AGFG2: variants seen among roughly 807,000 people sequenced by gnomAD.
AGFG2 encodes ArfGAP with FG repeats 2.
A neutral mutation model predicts 48.0 loss-of-function variants in AGFG2; 31 were observed. That is an observed-to-expected ratio of 0.65 (90% CI 0.49 to 0.87). AGFG2 has a LOEUF of 0.87. Ranked by LOEUF, AGFG2 falls within the 40% of genes least tolerant of loss-of-function variation. The pLI is 0.00. For synonymous variants in AGFG2, 229 were observed against 260.8 expected (o/e 0.88, Z 1.18); for missense variants, 599 against 632.6 (o/e 0.95, Z 0.57).
chr7:100,566,563 AAG>A lies in AGFG2; in HGVS notation c.*1576_*1577del, dbSNP rs1213258708. ...TCTGAGTCTTCCACAGAGAGCAGCA[AAG>A]AGATATGGGAGTTGGGTGATCAGTG... is the stretch of plus-strand genomic sequence containing the variant. On this transcript the variant is annotated 3_prime_UTR_variant, in exon 12 of 12. Coordinates refer to ENST00000300176, the MANE Select transcript of AGFG2 (RefSeq NM_006076.5). 1 of 152,270 alleles carries A rather than the reference AAG, an allele frequency of 6.6e-6. No homozygotes were observed. Among genetic ancestry groups the A allele is most frequent in the Non-Finnish European group, 1.5e-5 (1 of 68,070 alleles). 9.4% of individuals were successfully genotyped at this position (152,270 alleles called of 1,614,324 possible). A position where few individuals can be genotyped will look rare whatever the true frequency, so the allele number is the denominator to read the frequency against.
In AGFG2 at chr7:100,550,378, A is replaced by T; in HGVS notation, c.316-18A>T. 1 of 1,565,096 alleles carries T rather than the reference A, an allele frequency of 6.4e-7. No homozygotes were observed. The highest frequency in any genetic ancestry group is 1.4e-5 in the African/African-American group (1 of 73,462). On this transcript the variant is annotated intron_variant, in intron 2 of 11. Transcript: ENST00000300176. ...CCTGCTTTCTGCTCCCACTCCTCTGACACCTTCATTCTTTTAGGTTTGCCG... is the reference window on the plus strand; with the variant it reads ...CCTGCTTTCTGCTCCCACTCCTCTGTCACCTTCATTCTTTTAGGTTTGCCG...
intron 1 of AGFG2, among the ~76,000 whole-genome samples, chr7:100,547,955 G>GT (rs1412051022): frequency 1.3e-5 from 2 of 152,196 alleles, no homozygotes; most frequent in African/African-American, 4.8e-5. Flanking sequence ...GCTAGAGACT[G>GT]TTTTTTGTCA....
Position 100,539,435 on chromosome 7 carries a change from G to C in AGFG2, c.89G>C (p.Cys30Ser), listed in dbSNP as rs920577015. Residue 30 changes from cysteine (C) to serine (S), a missense_variant, in exon 1 of 12, where the codon TGC becomes TCC. Physicochemically the swap from Cys to Ser is moderately radical, Grantham distance 112. Transcript: ENST00000300176. The part of the protein sequence containing the change: ...AEAEAASEVW[C>S]RRVRELGGCS... Reference sequence around the variant, plus strand: ...GCGGAGGCGGCCTCGGAGGTGTGGTGCCGTCGGGTGCGGGAGCTGGGTGGC... The same window carrying C: ...GCGGAGGCGGCCTCGGAGGTGTGGTCCCGTCGGGTGCGGGAGCTGGGTGGC... 6 of 1,327,068 alleles carry C rather than the reference G, an allele frequency of 4.5e-6. No homozygotes were observed. In the African/African-American group the frequency reaches 6.1e-5, roughly 14 times the overall value. 82.2% of individuals were successfully genotyped at this position (1,327,068 alleles called of 1,614,324 possible).
Position 100,562,219 on chromosome 7 carries a change from T to C in AGFG2, c.878-40T>C. 5 of 1,603,368 alleles carry C rather than the reference T, an allele frequency of 3.1e-6. No individual in the cohort carries two copies. In the East Asian group the frequency reaches 6.7e-5, roughly 22 times the overall value. Reference sequence around the variant, plus strand: ...CTCTCCTGCCCCTCCCGCCCTGTCTTACCTCAGCTCTCCCTGTTGTATTTT... The same window carrying C: ...CTCTCCTGCCCCTCCCGCCCTGTCTCACCTCAGCTCTCCCTGTTGTATTTT... On this transcript the variant is annotated intron_variant, in intron 6 of 11. Transcript: ENST00000300176. The surrounding 1 kb of genome is among the most constrained non-coding windows in gnomAD (Gnocchi z 5.4).
intron 1 of AGFG2, among the ~76,000 whole-genome samples, chr7:100,543,046 C>G (rs1800450749): frequency 6.6e-6 from 1 of 151,956 alleles, no homozygotes; most frequent in Non-Finnish European, 1.5e-5. Flanking sequence ...AGGTATGATG[C>G]AAAGAGAAGA....
chr7:100,555,393 C>T (rs1351424902), intron 5 of AGFG2, among the ~76,000 whole-genome samples: 1 of 150,612 alleles, frequency 6.6e-6, no homozygotes, highest in Non-Finnish European at 1.5e-5. Context: ...CATGCCTCAG[C>T]CTCCAAGGTA....
chr7:100,563,466 C>T (rs1419328939), intron 9 of AGFG2, among the ~76,000 whole-genome samples: 4 of 152,172 alleles, frequency 2.6e-5, no homozygotes, highest in Admixed American at 6.5e-5. Flanking sequence ...CTGAGGGCTT[C>T]GTGGCCCTGA....
intron 1 of AGFG2, among the ~76,000 whole-genome samples, chr7:100,545,543 T>C (rs1800495037): frequency 6.6e-6 from 1 of 152,218 alleles, no homozygotes; most frequent in Admixed American, 6.5e-5. Flanking sequence ...ACAACCTGAC[T>C]GGCTGGAGGC....
rs1800939157 is a variant in AGFG2, at chr7:100,563,944, C to A, written c.1282C>A (p.Leu428Ile). 2 of 1,608,022 alleles carry A rather than the reference C, an allele frequency of 1.2e-6. No homozygotes were observed. The highest frequency in any genetic ancestry group is 3.3e-5 in the Admixed American group (2 of 60,010). ...PAPLFPPQTP[L>I]VQQQNGSSFG... ...ACCGCTGTTCCCCCCGCAGACCCCG[C>A]TTGTTCAGCAGCAGAATGGTAAGAG... The change falls in exon 10 of 12, where the codon CTT becomes ATT. Residue 428 changes from leucine (L) to isoleucine (I), a missense_variant. Leu to Ile is a conservative substitution (Grantham distance 5). Transcript: ENST00000300176.
intron 6 of AGFG2, among the ~76,000 whole-genome samples, chr7:100,557,819 A>G (rs1179420502): frequency 6.6e-6 from 1 of 152,256 alleles, no homozygotes; most frequent in African/African-American, 2.4e-5. Context: ...AACATGGAAA[A>G]CAGATGGAAA....
Position 100,562,038 on chromosome 7 carries a change from C to G in AGFG2, c.878-221C>G, listed in dbSNP as rs979556781. 6.6e-6 allele frequency among the ~76,000 whole-genome samples: 1 copy of G among 151,982 alleles called. No homozygotes were observed. The highest frequency in any genetic ancestry group is 1.5e-5 in the Non-Finnish European group (1 of 67,988). ...AGCGCAGCTTTGAGCGCAGGGGACACGGAGAAGGGCTGGGCTGTCACCTTG... is the reference window on the plus strand; with the variant it reads ...AGCGCAGCTTTGAGCGCAGGGGACAGGGAGAAGGGCTGGGCTGTCACCTTG... On this transcript the variant is annotated intron_variant, in intron 6 of 11. Transcript: ENST00000300176. The surrounding 1 kb of genome is among the most constrained non-coding windows in gnomAD (Gnocchi z 5.4).
chr7:100,551,741 G>T (rs1283657279), intron 3 of AGFG2, among the ~76,000 whole-genome samples: 1 of 149,834 alleles, frequency 6.7e-6, no homozygotes, highest in East Asian at 2.0e-4. Context: ...AAAAAAATTA[G>T]CTGGGTGTGG....
chr7:100,541,636 G>A (rs1378663011), intron 1 of AGFG2, among the ~76,000 whole-genome samples: 1 of 151,874 alleles, frequency 6.6e-6, no homozygotes, highest in Non-Finnish European at 1.5e-5. Context: ...GGTGGCAGGT[G>A]CCTGTAATCC....
In AGFG2 at chr7:100,564,943, A is replaced by G. The variant is rs199744807; in HGVS notation, c.1398A>G (p.Ser466=). The part of the protein sequence containing the change: ...ISTNPFMTGP[S]SSPFASKPPT... The stretch of plus-strand genomic sequence containing the variant: ...TTCTTTCTTTCCAGACTGGACCCTC[A>G]TCAAGCCCATTCGCCTCCAAACCTC... Residue 466 remains serine (S), a synonymous_variant, in exon 12 of 12, where the codon TCA becomes TCG. Coordinates refer to ENST00000300176, the MANE Select transcript of AGFG2 (RefSeq NM_006076.5). 194 of 1,613,984 alleles carry G rather than the reference A, an allele frequency of 1.2e-4. No homozygotes were observed. Among genetic ancestry groups the G allele is most frequent in the Admixed American group, 8.3e-4 (50 of 60,008 alleles).
At chr7:100,554,937 CAAAAAAAA>C (rs749887106) in intron 5 of AGFG2, among the ~76,000 whole-genome samples, 10 of 57,584 alleles carry the variant, frequency 1.7e-4, no homozygotes, top group African/African-American at 5.1e-4. Flanking sequence ...GACTCCGTCT[CAAAAAAAA>C]AAAAAAAAAA....
At chr7:100,551,759 C>A (rs1421278444) in intron 3 of AGFG2, among the ~76,000 whole-genome samples, 1 of 150,242 alleles carries the variant, frequency 6.7e-6, no homozygotes, top group Non-Finnish European at 1.5e-5. Context: ...TGGGGGTGGA[C>A]ACTTGTAATC....
Position 100,539,431 on chromosome 7 carries a change from T to G in AGFG2, c.85T>G (p.Trp29Gly). 1.5e-6 allele frequency: 2 copies of G among 1,321,266 alleles called. No individual in the cohort carries two copies. Among genetic ancestry groups the G allele is most frequent in the South Asian group, 2.0e-5 (1 of 49,116 alleles). The allele number at this position is 1,321,266 out of a possible 1,614,324, so 81.8% of individuals were successfully genotyped here. A position where few individuals can be genotyped will look rare whatever the true frequency, so the allele number is the denominator to read the frequency against. ...GGAGGCGGAGGCGGCCTCGGAGGTG[T>G]GGTGCCGTCGGGTGCGGGAGCTGGG... ...KAEAEAASEV[W>G]CRRVRELGGC... Residue 29 changes from tryptophan to glycine, a missense_variant, in exon 1 of 12, where the codon TGG (tryptophan) becomes GGG (glycine). Trp to Gly is a radical substitution (Grantham distance 184, BLOSUM62 -2). Coordinates refer to ENST00000300176, the MANE Select transcript of AGFG2 (RefSeq NM_006076.5).
At chr7:100,542,689 G>T (rs1800444102) in intron 1 of AGFG2, among the ~76,000 whole-genome samples, 1 of 152,166 alleles carries the variant, frequency 6.6e-6, no homozygotes, top group African/African-American at 2.4e-5. Flanking sequence ...TGAGGCAGGG[G>T]ATGCTTATTT....
intron 3 of AGFG2, among the ~76,000 whole-genome samples, chr7:100,551,778 T>C (rs1429904830): frequency 1.4e-5 from 2 of 147,030 alleles, no homozygotes; most frequent in Non-Finnish European, 3.0e-5. Flanking sequence ...TCCCAGCTAC[T>C]CTGGAGGCTG....
Sources: gnomAD v4.1 joint callset for allele counts (sites outside exome capture counted in the v4.1 genomes callset) on GRCh38, gnomAD v4.1.1 for gene constraint, Gnocchi (gnomAD v3.1) non-coding constraint, MANE v1.5 for transcripts, NCBI Gene and HGNC (gene_info 2026-07-23, HGNC 2026-07-21) for gene names.